The following RAB2A variants were observed in gnomAD, a reference collection of about 807,000 sequenced individuals.
The protein encoded by RAB2A is RAB2A, member RAS oncogene family.
RAB2A carries 7 observed loss-of-function variants against 32.5 expected under a neutral mutation model. The observed-to-expected ratio is 0.22, with a 90% CI of 0.12 to 0.40. The LOEUF (loss-of-function observed/expected upper bound fraction) is 0.40. RAB2A is among the 10% of genes least tolerant of loss of function. The pLI, the probability that RAB2A is intolerant of heterozygous loss-of-function variation, is 1.00. For missense variants in RAB2A, 108 were observed against 260.7 expected (o/e 0.41, Z 4.03); for synonymous variants, 79 against 85.2 (o/e 0.93, Z 0.40).
chr8:60,616,179 CTATT>C (rs1161241202), intron 6 of RAB2A, among the ~76,000 whole-genome samples: 1 of 152,064 alleles, frequency 6.6e-6, no homozygotes, highest in Non-Finnish European at 1.5e-5. Flanking sequence ...GTATTCAGTA[CTATT>C]TAGGTAATAA....
chr8:60,576,241 CAAAG>C (rs1803624846), intron 3 of RAB2A: 1 of 456,140 alleles, frequency 2.2e-6, no homozygotes, highest in Admixed American at 2.3e-5. Flanking sequence ...CAGGGGAAGT[CAAAG>C]AAGAAACATA....
chr8:60,581,003 A>G (rs1157471994), intron 3 of RAB2A, among the ~76,000 whole-genome samples: 1 of 152,216 alleles, frequency 6.6e-6, no homozygotes, highest in Non-Finnish European at 1.5e-5. Context: ...CTAATAAAAT[A>G]TGTATCTTTT....
intron 1 of RAB2A, chr8:60,558,390 G>A (rs759445791): frequency 8.1e-6 from 4 of 492,822 alleles, no homozygotes; most frequent in South Asian, 1.5e-5. Context: ...ATGAATTAGC[G>A]AGAAAACAGA....
At chr8:60,548,768 G>A (rs1401883850) in intron 1 of RAB2A, among the ~76,000 whole-genome samples, 74 of 143,994 alleles carry the variant, frequency 5.1e-4, no homozygotes, top group African/African-American at 2.0e-3. Context: ...CGGGCGGGGG[G>A]CTGATCCCCC....
chr8:60,591,760 T>A, intron 5 of RAB2A, 98 bp from the exon 6 acceptor site: 1 of 716,626 alleles, frequency 1.4e-6, no homozygotes, highest in African/African-American at 1.8e-5. Context: ...ATTAAAAGAA[T>A]GGTCATCACA....
intron 1 of RAB2A, among the ~76,000 whole-genome samples, chr8:60,556,827 G>T (rs1380164417): frequency 3.3e-5 from 5 of 152,020 alleles, no homozygotes; most frequent in African/African-American, 1.2e-4. Flanking sequence ...TCACTTAAAT[G>T]ATTACCAAAC....
intron 1 of RAB2A, among the ~76,000 whole-genome samples, chr8:60,548,662 C>A (rs1158466293): frequency 2.7e-5 from 4 of 147,708 alleles, no homozygotes; most frequent in Non-Finnish European, 4.5e-5. Flanking sequence ...CACCTCCCTC[C>A]CGGACGGAGT....
chr8:60,561,366 T>G (rs909987757), intron 2 of RAB2A, among the ~76,000 whole-genome samples: 4 of 152,242 alleles, frequency 2.6e-5, no homozygotes, highest in Non-Finnish European at 1.5e-5. Context: ...TAGATGGTTT[T>G]AAACAAAAGG....
intron 3 of RAB2A, among the ~76,000 whole-genome samples, chr8:60,578,687 T>C (rs961002643): frequency 1.3e-5 from 2 of 152,224 alleles, no homozygotes; most frequent in Admixed American, 6.5e-5. Flanking sequence ...TATAAAGTTA[T>C]ATTTTGTGGG....
At chr8:60,551,573 A>G (rs959593943) in intron 1 of RAB2A, among the ~76,000 whole-genome samples, 4 of 152,258 alleles carry the variant, frequency 2.6e-5, no homozygotes, top group Non-Finnish European at 5.9e-5. Flanking sequence ...AGGCACTAAA[A>G]AGATAACTAC....
At chr8:60,547,633 G>C (rs1807758003) in intron 1 of RAB2A, among the ~76,000 whole-genome samples, 2 of 123,146 alleles carry the variant, frequency 1.6e-5, no homozygotes, top group African/African-American at 2.9e-5. Flanking sequence ...TCCCGGACGG[G>C]GCGGCTGGCC....
intron 1 of RAB2A, among the ~76,000 whole-genome samples, chr8:60,528,396 T>C (rs779403984): frequency 1.3e-5 from 2 of 152,224 alleles, no homozygotes; most frequent in Non-Finnish European, 2.9e-5. Flanking sequence ...TTTCCCCATA[T>C]GCATTTGAAA....
chr8:60,566,140 G>GGT (rs1301314049), intron 2 of RAB2A, among the ~76,000 whole-genome samples: 1 of 152,200 alleles, frequency 6.6e-6, no homozygotes, highest in South Asian at 2.1e-4. Context: ...ACCACTGAGT[G>GGT]GTGTATGTTT....
chr8:60,590,283 A>G (rs1246594420), intron 5 of RAB2A, among the ~76,000 whole-genome samples: 1 of 151,766 alleles, frequency 6.6e-6, no homozygotes, highest in African/African-American at 2.4e-5. Context: ...TTTAAAAAAA[A>G]ATTCTGATTA....
chr8:60,611,161 C>T (rs1804339999), intron 6 of RAB2A, among the ~76,000 whole-genome samples: 1 of 152,190 alleles, frequency 6.6e-6, no homozygotes. Flanking sequence ...TGGGTCATTG[C>T]TCTGGACTCC....
intron 1 of RAB2A, among the ~76,000 whole-genome samples, chr8:60,534,364 TAGG>T (rs1415578016): frequency 2.0e-5 from 3 of 151,982 alleles, no homozygotes; most frequent in Non-Finnish European, 2.9e-5. Flanking sequence ...AAGGCTGAGG[TAGG>T]AGGATTGCTT....
At chr8:60,601,922 C>CT (rs1424114336) in intron 6 of RAB2A, among the ~76,000 whole-genome samples, 1 of 152,208 alleles carries the variant, frequency 6.6e-6, no homozygotes, top group Non-Finnish European at 1.5e-5. Flanking sequence ...GGGTCTCACT[C>CT]TGTCACCCAG....
intron 2 of RAB2A, among the ~76,000 whole-genome samples, chr8:60,561,328 A>G (rs1271304238): frequency 6.6e-6 from 1 of 152,064 alleles, no homozygotes; most frequent in Non-Finnish European, 1.5e-5. Context: ...TAACTTTTAC[A>G]GTTGGTTGTA....
chr8:60,559,057 T>G, intron 2 of RAB2A, 134 bp downstream of exon 2: 1 of 624,606 alleles, frequency 1.6e-6, no homozygotes, highest in Non-Finnish European at 2.8e-6. Context: ...GTTTAATCTC[T>G]GTCACTTTTT....
Sources: gnomAD v4.1 joint callset for allele counts (sites outside exome capture counted in the v4.1 genomes callset) on GRCh38, gnomAD v4.1.1 for gene constraint, MANE v1.5 for transcripts, NCBI Gene and HGNC (gene_info 2026-07-23, HGNC 2026-07-21) for gene names.